The following HMCN1 variants were observed in gnomAD, a reference collection of about 807,000 sequenced individuals.
HMCN1 encodes hemicentin 1.
A neutral mutation model predicts 625.9 loss-of-function variants in HMCN1; 321 were observed. The observed-to-expected ratio is 0.51, with a 90% CI of 0.47 to 0.56. The LOEUF (loss-of-function observed/expected upper bound fraction) is 0.56, where lower values mean the gene tolerates loss of function less well. Ranked by LOEUF, HMCN1 falls within the 20% of genes least tolerant of loss-of-function variation. HMCN1 has a pLI of 0.00. For synonymous variants in HMCN1, 2,425 were observed against 2,417.6 expected (o/e 1.00, Z -0.09); for missense variants, 6,588 against 6,887.3 (o/e 0.96, Z 1.54).
Position 186,108,470 on chromosome 1 carries a change from A to G in HMCN1, c.10862A>G (p.Asn3621Ser), listed in dbSNP as rs1558229456. 2.5e-6 allele frequency: 4 copies of G among 1,614,078 alleles called. No individual in the cohort carries two copies. The South Asian group carries it at 4.4e-5, about 18-fold the overall frequency. Residue 3621 changes from asparagine (N) to serine (S), a missense_variant, in exon 71 of 107, where the codon AAT (asparagine) becomes AGT (serine). This residue lies in a region of HMCN1 where 4,628 missense variants were observed against 4,853.1 expected (regional missense o/e 0.95). Coordinates refer to ENST00000271588, the MANE Select transcript of HMCN1 (RefSeq NM_031935.3). ...TTGTTCTCACACCCAGTACCTCCTA[A>G]TATTGCTGGAACTGATGAGCCCCGG... The part of the protein sequence containing the change: ...EYLVRVHVPP[N>S]IAGTDEPRDI...
rs779322962 is a variant in HMCN1 at position 186,082,889 on chromosome 1, A to G, written c.8812A>G (p.Ile2938Val). Residue 2938 changes from isoleucine (I) to valine (V), a missense_variant, in exon 57 of 107, where the codon ATC becomes GTC. Around this residue, in one of 3 missense-constraint regions of HMCN1, gnomAD observed 4,628 missense variants for 4,853.1 expected, o/e 0.95. Transcript: ENST00000271588. ...LQILNTQITD[I>V]GRYVCVAENT... ...GATTCTGAATACTCAAATAACAGATATCGGCAGGTATGTGTGTGTTGCTGA... is the reference window on the plus strand; with the variant it reads ...GATTCTGAATACTCAAATAACAGATGTCGGCAGGTATGTGTGTGTTGCTGA... 2 of 1,588,112 alleles carry G rather than the reference A, an allele frequency of 1.3e-6. No individual in the cohort carries two copies. The highest frequency in any genetic ancestry group is 3.4e-5 in the Admixed American group (2 of 58,492).
intron 1 of HMCN1, among the ~76,000 whole-genome samples, chr1:185,737,824 TG>T (rs1653697482): frequency 6.6e-6 from 1 of 152,200 alleles, no homozygotes; most frequent in Non-Finnish European, 1.5e-5. Context: ...TATTTGCAGA[TG>T]ATTGCTTTGG....
chr1:185,872,713 A>G (rs1663695671), intron 4 of HMCN1, among the ~76,000 whole-genome samples: 1 of 152,160 alleles, frequency 6.6e-6, no homozygotes, highest in South Asian at 2.1e-4. Context: ...GCCCTGCAAA[A>G]TGAGAGTGCC....
rs1650773281 is a variant in HMCN1, at chr1:186,153,018, A to G, written c.15018+147A>G. The G allele has an allele frequency of 3.5e-6, 4 of 1,157,232 alleles. No homozygotes were observed. The African/African-American group carries it at 6.1e-5, about 18-fold the overall frequency. The allele number at this position is 1,157,232 out of a possible 1,614,324, so 71.7% of individuals were successfully genotyped here. Reference sequence around the variant, plus strand: ...ATAAATAACTATCTGATCTTTGTTTAAAAATCTTCAGGGACAAGTTTTTAC... The same window carrying G: ...ATAAATAACTATCTGATCTTTGTTTGAAAATCTTCAGGGACAAGTTTTTAC... On this transcript the variant is annotated intron_variant, in intron 96 of 106. Coordinates refer to ENST00000271588, the MANE Select transcript of HMCN1 (RefSeq NM_031935.3).
rs116147648 is a variant in HMCN1 at position 185,804,302 on chromosome 1, A to T, written c.269-41724A>T. 2.0e-3 allele frequency among the ~76,000 whole-genome samples: 300 copies of T among 152,232 alleles called. 1 individual carries two copies. In the Middle Eastern group the frequency reaches 0.027, roughly 14 times the overall value. On this transcript the variant is annotated intron_variant, in intron 1 of 106. Coordinates refer to ENST00000271588, the MANE Select transcript of HMCN1 (RefSeq NM_031935.3). ...AATTTGTATGTCTGCTTACTGAAAC[A>T]TTGACTGCTTTGCACATTATAACTG... is the stretch of plus-strand genomic sequence containing the variant.
intron 52 of HMCN1, among the ~76,000 whole-genome samples, chr1:186,074,018 T>C (rs935172776): frequency 6.6e-6 from 1 of 151,924 alleles, no homozygotes; most frequent in African/African-American, 2.4e-5. Flanking sequence ...TTTGTGGGCA[T>C]TGAAATCACC....
chr1:185,873,693 A>G (rs1270322940), intron 4 of HMCN1, among the ~76,000 whole-genome samples: 1 of 152,082 alleles, frequency 6.6e-6, no homozygotes, highest in Non-Finnish European at 1.5e-5. Context: ...CTCTCACAGA[A>G]AATAGAAAAA....
Position 185,888,917 on chromosome 1 carries a change from G to A in HMCN1, c.622-20420G>A, listed in dbSNP as rs1289155716. ...CCTTAGGCAGTATGGCCATTTTCAC[G>A]ATATTGATTCTTTCTACCCATGAGC... is the stretch of plus-strand genomic sequence containing the variant. On this transcript the variant is annotated intron_variant, in intron 4 of 106. Coordinates refer to ENST00000271588, the MANE Select transcript of HMCN1 (RefSeq NM_031935.3). 2.8e-4 allele frequency among the ~76,000 whole-genome samples: 41 copies of A among 147,706 alleles called. 5 individuals are homozygous for A. The highest frequency in any genetic ancestry group is 1.0e-3 in the African/African-American group (38 of 37,112).
At chr1:185,799,355 G>A (rs1409431418) in intron 1 of HMCN1, among the ~76,000 whole-genome samples, 1 of 152,178 alleles carries the variant, frequency 6.6e-6, no homozygotes, top group Non-Finnish European at 1.5e-5. Flanking sequence ...GAAACTCTCT[G>A]GTACCTTAGG....
At chr1:185,744,856 G>T (rs1432766583) in intron 1 of HMCN1, among the ~76,000 whole-genome samples, 1 of 152,186 alleles carries the variant, frequency 6.6e-6, no homozygotes, top group Non-Finnish European at 1.5e-5. Context: ...GAAGTGACAT[G>T]ATTGGGTTTT....
At chr1:185,919,898 A>C (rs1174498437) in intron 6 of HMCN1, among the ~76,000 whole-genome samples, 1 of 152,172 alleles carries the variant, frequency 6.6e-6, no homozygotes, top group African/African-American at 2.4e-5. Context: ...TATAGTGTGC[A>C]TTTTGTGCAC....
intron 19 of HMCN1, 149 bp from the exon 20 acceptor site, chr1:185,987,283 A>G: frequency 1.5e-6 from 1 of 686,648 alleles, no homozygotes; most frequent in East Asian, 2.7e-5. Context: ...ACTCCTTTAC[A>G]GAGATTATCC....
chr1:186,154,747 A>T (rs1382304312), intron 97 of HMCN1, among the ~76,000 whole-genome samples: 1 of 152,066 alleles, frequency 6.6e-6, no homozygotes, highest in Non-Finnish European at 1.5e-5. Context: ...TCCAACTGTC[A>T]TTTCTTGTTC....
intron 68 of HMCN1, among the ~76,000 whole-genome samples, chr1:186,103,246 G>A (rs1660465876): frequency 6.6e-6 from 1 of 152,046 alleles, no homozygotes; most frequent in African/African-American, 2.4e-5. Context: ...TAATTGCATG[G>A]TAATGAATTG....
chr1:185,824,375 C>G (rs1660381607), intron 1 of HMCN1, among the ~76,000 whole-genome samples: 2 of 152,180 alleles, frequency 1.3e-5, no homozygotes, highest in Non-Finnish European at 2.9e-5. Context: ...CTCACACAGT[C>G]TGTTTGTCAT....
chr1:186,086,448 T>A (rs1357492823), intron 58 of HMCN1, 41 bp downstream of exon 58: 1 of 1,588,446 alleles, frequency 6.3e-7, no homozygotes, highest in Non-Finnish European at 8.6e-7. Flanking sequence ...AATTTTCTCA[T>A]CTTTATTTTA....
chr1:186,163,760 A>G (rs774486630), intron 97 of HMCN1, among the ~76,000 whole-genome samples: 5 of 152,176 alleles, frequency 3.3e-5, no homozygotes, highest in African/African-American at 1.2e-4. Flanking sequence ...ACAAATCATC[A>G]TCTTGCAAGA....
chr1:186,076,744 C>T, intron 54 of HMCN1, 122 bp downstream of exon 54: 1 of 879,688 alleles, frequency 1.1e-6, no homozygotes, highest in Non-Finnish European at 1.8e-6. Flanking sequence ...AGTTAGACTG[C>T]TGAATGCCAC....
intron 97 of HMCN1, among the ~76,000 whole-genome samples, chr1:186,163,191 G>T (rs556281849): frequency 1.3e-5 from 2 of 152,326 alleles, no homozygotes; most frequent in Non-Finnish European, 1.5e-5. Context: ...CAGACTCCAT[G>T]GGCATAGGAC....
Sources: gnomAD v4.1 joint callset for allele counts (sites outside exome capture counted in the v4.1 genomes callset) on GRCh38, gnomAD v4.1.1 for gene constraint, gnomAD v4.1.1 regional missense constraint, MANE v1.5 for transcripts, NCBI Gene and HGNC (gene_info 2026-07-23, HGNC 2026-07-21) for gene names.